MTX3: variants seen among roughly 807,000 people sequenced by gnomAD.
MTX3 encodes metaxin 3.
A neutral mutation model predicts 42.5 loss-of-function variants in MTX3; 27 were observed. That is an observed-to-expected ratio of 0.64 (90% CI 0.47 to 0.88). The LOEUF is 0.88. MTX3 is among the 40% of genes least tolerant of loss of function. The probability of loss-of-function intolerance (pLI) is 0.00; values close to 1 mark genes in which losing one functional copy is unlikely to be tolerated. For synonymous variants in MTX3, 144 were observed against 132.9 expected (o/e 1.08, Z -0.57); for missense variants, 378 against 367.0 (o/e 1.03, Z -0.25).
rs1406790171 is a variant in MTX3 at position 79,990,152 on chromosome 5, C to A, written c.228+8G>T. The A allele has an allele frequency of 6.3e-7, 1 of 1,589,690 alleles. No homozygotes were observed. The highest frequency in any genetic ancestry group is 8.6e-7 in the Non-Finnish European group (1 of 1,163,022). Reference sequence around the variant, plus strand: ...TACCAATCTACTTCTTCAAAGTGAACCACCCACCTGTTTTCTTAAAAAGTT... The same window carrying A: ...TACCAATCTACTTCTTCAAAGTGAAACACCCACCTGTTTTCTTAAAAAGTT... On this transcript the variant is annotated splice_region_variant and intron_variant, in intron 3 of 8. Coordinates refer to ENST00000512528, the MANE Select transcript of MTX3 (RefSeq NM_001363818.2).
rs374669736 is a variant in MTX3, at chr5:79,985,017, C to T, written c.828+554G>A. On this transcript the variant is annotated intron_variant, in intron 8 of 8. Transcript: ENST00000512528. Reference sequence around the variant, plus strand: ...TGTTTTTTCTGATGGAGTCTCGCTCCGTTGCCCAGGCTGGAGTGCAGTGGC... The same window carrying T: ...TGTTTTTTCTGATGGAGTCTCGCTCTGTTGCCCAGGCTGGAGTGCAGTGGC... Among the ~76,000 whole-genome samples the T allele has an allele frequency of 4.9e-3, 739 of 152,040 alleles. 5 individuals are homozygous for T. Among genetic ancestry groups the T allele is most frequent in the Non-Finnish European group, 8.4e-3 (572 of 67,960 alleles).
Position 79,991,176 on chromosome 5 carries a change from G to C in MTX3, c.63C>G (p.Ser21Arg), listed in dbSNP as rs916568189. 1 of 1,518,504 alleles carries C rather than the reference G, an allele frequency of 6.6e-7. No individual in the cohort carries two copies. Among genetic ancestry groups the C allele is most frequent in the Admixed American group, 2.1e-5 (1 of 47,498 alleles). 94.1% of individuals were successfully genotyped at this position (1,518,504 alleles called of 1,614,324 possible). Residue 21 changes from serine to arginine, a missense_variant, in exon 1 of 9, where the codon AGC becomes AGG. By Grantham distance (110) the Ser-to-Arg change is moderately radical. Transcript: ENST00000512528. ...GGGWGLPSVHSESLVVMAYAK... is the reference protein window; with the variant it reads ...GGGWGLPSVHRESLVVMAYAK... ...GCCTCACCATCACCACCAGGGACTC[G>C]CTGTGAACCGATGGGAGTCCCCAGC...
rs889336787 is a variant in MTX3 at position 79,982,183 on chromosome 5, T to C, written c.*1501A>G. ...GTAATGTGCAACTCATGAGGTACTTTCCCTCATCCAAACAGATGACCAAGA... is the reference window on the plus strand; with the variant it reads ...GTAATGTGCAACTCATGAGGTACTTCCCCTCATCCAAACAGATGACCAAGA... On this transcript the variant is annotated 3_prime_UTR_variant, in exon 9 of 9. Transcript: ENST00000512528. 6 of 280,774 alleles carry C rather than the reference T, an allele frequency of 2.1e-5. No individual in the cohort carries two copies. The highest frequency in any genetic ancestry group is 1.3e-4 in the African/African-American group (6 of 45,036). The allele number at this position is 280,774 out of a possible 1,614,324, so 17.4% of individuals were successfully genotyped here.
At chr5:79,987,656 G>A (rs893349229) in intron 6 of MTX3, among the ~76,000 whole-genome samples, 1 of 152,048 alleles carries the variant, frequency 6.6e-6, no homozygotes, top group African/African-American at 2.4e-5. Context: ...AAATGAAATT[G>A]TCTTTATAGA....
In MTX3 at chr5:79,987,038, A is replaced by G; in HGVS notation, c.651T>C (p.Val217=). ...APLYKVRFPK[V]QLQEHLKQLS... Reference sequence around the variant, plus strand: ...GCTGTTTCAGATGTTCTTGTAGCTGAACTTTAGGAAACCGTACTTTGTAAA... The same window carrying G: ...GCTGTTTCAGATGTTCTTGTAGCTGGACTTTAGGAAACCGTACTTTGTAAA... The change falls in exon 7 of 9, where the codon GTT becomes GTC. Residue 217 remains valine (V), a synonymous_variant. Transcript: ENST00000512528. The G allele has an allele frequency of 6.2e-7, 1 of 1,614,020 alleles. No homozygotes were observed. Among genetic ancestry groups the G allele is most frequent in the Non-Finnish European group, 8.5e-7 (1 of 1,179,892 alleles).
At position 79,980,744 on chromosome 5, in the gene MTX3, G is replaced by C. The variant is rs1831354573; in HGVS notation, c.*2940C>G. On this transcript the variant is annotated 3_prime_UTR_variant, in exon 9 of 9. Coordinates refer to ENST00000512528, the MANE Select transcript of MTX3 (RefSeq NM_001363818.2). The stretch of plus-strand genomic sequence containing the variant: ...TACTTCCAAAAGGCATTGGCTCACA[G>C]TATTCTGTTTAAGATTGTGGACCAT... 1 of 152,104 alleles carries C rather than the reference G, an allele frequency of 6.6e-6. No homozygotes were observed. Among genetic ancestry groups the C allele is most frequent in the Non-Finnish European group, 1.5e-5 (1 of 68,028 alleles). 9.4% of individuals were successfully genotyped at this position (152,104 alleles called of 1,614,324 possible). A position where few individuals can be genotyped will look rare whatever the true frequency, so the allele number is the denominator to read the frequency against.
In MTX3 at chr5:79,978,434, AC is replaced by A. The variant is rs1166763611; in HGVS notation, c.*5249del. The A allele has an allele frequency of 6.6e-6, 1 of 152,214 alleles. No individual in the cohort carries two copies. Among genetic ancestry groups the A allele is most frequent in the Non-Finnish European group, 1.5e-5 (1 of 68,102 alleles). 9.4% of individuals were successfully genotyped at this position (152,214 alleles called of 1,614,324 possible). ...GTGAAACCCCATCTCTACTAAAAAT[AC>A]AAAAATTAGCTGGGCGTGGTGGCAG... On this transcript the variant is annotated 3_prime_UTR_variant, in exon 9 of 9. Transcript: ENST00000512528.
chr5:79,987,097 A>C lies in MTX3; in HGVS notation c.592T>G (p.Leu198Val), dbSNP rs761849345. 8 of 1,613,658 alleles carry C rather than the reference A, an allele frequency of 5.0e-6. No individual in the cohort carries two copies. In the African/African-American group the frequency reaches 8.0e-5, roughly 16 times the overall value. Residue 198 changes from leucine (L) to valine (V), a missense_variant, in exon 7 of 9, where the codon TTG (leucine) becomes GTG (valine). Coordinates refer to ENST00000512528, the MANE Select transcript of MTX3 (RefSeq NM_001363818.2). ...AGAAAACCAAAAACATAGGCATCCA[A>C]GGTAGAAGGCCTAGAAATAAATTAA... ...QFFFGDTPST[L>V]DAYVFGFLAP...
intron 8 of MTX3, 51 bp from the exon 9 acceptor site, chr5:79,983,845 G>T: frequency 8.1e-7 from 1 of 1,232,892 alleles, no homozygotes; most frequent in Non-Finnish European, 1.2e-6. Flanking sequence ...CACCGCTTAT[G>T]TGGACTGTGG....
chr5:79,984,991 G>A (rs1379149540), intron 8 of MTX3, among the ~76,000 whole-genome samples: 1 of 151,344 alleles, frequency 6.6e-6, no homozygotes, highest in Admixed American at 6.6e-5. Context: ...GTTTTTTTTT[G>A]TGTTTTTTCT....
In MTX3 at chr5:79,976,757, T is replaced by C. The variant is rs1002923846; in HGVS notation, c.*6927A>G. On this transcript the variant is annotated 3_prime_UTR_variant, in exon 9 of 9. Coordinates refer to ENST00000512528, the MANE Select transcript of MTX3 (RefSeq NM_001363818.2). The stretch of plus-strand genomic sequence containing the variant: ...AGATTTGAGATTTTTATTGAGAAAA[T>C]AGCTATTTTGACATTATATCCAGTT... The C allele has an allele frequency of 4.6e-5, 7 of 152,576 alleles. No individual in the cohort carries two copies. Among genetic ancestry groups the C allele is most frequent in the Non-Finnish European group, 8.8e-5 (6 of 68,030 alleles). The allele number at this position is 152,576 out of a possible 1,614,324, so 9.5% of individuals were successfully genotyped here.
In MTX3 at chr5:79,989,068, C is replaced by T. The variant is rs986802041; in HGVS notation, c.321+84G>A. On this transcript the variant is annotated intron_variant, in intron 4 of 8. Transcript: ENST00000512528. ...ATATAAGTAAAATTTTCTCTTAAGA[C>T]TTTTCTCATTGGTTTTTTTCTAAAC... 8.4e-6 allele frequency: 8 copies of T among 947,498 alleles called. No homozygotes were observed. The African/African-American group carries it at 1.4e-4, about 16-fold the overall frequency. 58.7% of individuals were successfully genotyped at this position (947,498 alleles called of 1,614,324 possible).
Position 79,979,404 on chromosome 5 carries a change from C to CA in MTX3, c.*4279dup, listed in dbSNP as rs1580879628. 6.6e-6 allele frequency: 1 copy of CA among 152,042 alleles called. No individual in the cohort carries two copies. Among genetic ancestry groups the CA allele is most frequent in the African/African-American group, 2.4e-5 (1 of 41,388 alleles). 9.4% of individuals were successfully genotyped at this position (152,042 alleles called of 1,614,324 possible). On this transcript the variant is annotated 3_prime_UTR_variant, in exon 9 of 9. Coordinates refer to ENST00000512528, the MANE Select transcript of MTX3 (RefSeq NM_001363818.2). ...TAAATTCCACAAAGCTGAATGGCAGCAAAAAATATTTCTTAACATCAAGAA... is the reference window on the plus strand; with the variant it reads ...TAAATTCCACAAAGCTGAATGGCAGCAAAAAAATATTTCTTAACATCAAGAA...
At chr5:79,988,875 C>T (rs1831560044) in intron 4 of MTX3, among the ~76,000 whole-genome samples, 1 of 146,204 alleles carries the variant, frequency 6.8e-6, no homozygotes, top group Non-Finnish European at 1.6e-5. Flanking sequence ...GTTCAATAAA[C>T]ATTTGTTGAA....
intron 8 of MTX3, among the ~76,000 whole-genome samples, chr5:79,984,527 T>C (rs938797372): frequency 1.3e-5 from 2 of 151,734 alleles, no homozygotes; most frequent in Admixed American, 6.6e-5. Context: ...CAAGCTCAAA[T>C]AACACAGTGG....
At position 79,990,617 on chromosome 5, in the gene MTX3, T is replaced by C. The variant is rs1831621790; in HGVS notation, c.128A>G (p.Asp43Gly). The C allele has an allele frequency of 1.2e-6, 2 of 1,612,062 alleles. No individual in the cohort carries two copies. Among genetic ancestry groups the C allele is most frequent in the South Asian group, 1.1e-5 (1 of 90,812 alleles). Residue 43 changes from aspartate to glycine, a missense_variant, in exon 2 of 9, where the codon GAT (aspartate) becomes GGT (glycine). Transcript: ENST00000512528. ...ACCTCTTGAACCTCTCCAGGTGTTA[T>C]CTATCACATTGACTTTCAAGGGTGC... ...SGAPLKVNVI[D>G]NTWRGSRGDV... is the part of the protein sequence containing the mutation.
Position 79,983,724 on chromosome 5 carries a change from G to A in MTX3, c.899C>T (p.Ala300Val), listed in dbSNP as rs1274427038. The part of the protein sequence containing the change: ...RKLPTLKLTP[A>V]EEENNSFQRL... ...TTGGAAGGAATTATTTTCTTCTTCT[G>A]CTGGAGTCAATTTAAGTGTTGGCAG... Residue 300 changes from alanine (A) to valine (V), a missense_variant, in exon 9 of 9, where the codon GCA (alanine) becomes GTA (valine). Transcript: ENST00000512528. 6.2e-7 allele frequency: 1 copy of A among 1,613,910 alleles called. No individual in the cohort carries two copies. The highest frequency in any genetic ancestry group is 1.3e-5 in the African/African-American group (1 of 75,028).
intron 8 of MTX3, among the ~76,000 whole-genome samples, chr5:79,985,203 G>A (rs531324261): frequency 2.0e-4 from 30 of 152,158 alleles, no homozygotes; most frequent in African/African-American, 6.3e-4. Context: ...GGATGGTCTC[G>A]ATCTCATGAC....
chr5:79,990,081 AAAAT>A (rs1490215728), intron 3 of MTX3, 75 bp downstream of exon 3: 4 of 884,724 alleles, frequency 4.5e-6, no homozygotes, highest in South Asian at 4.4e-5. Flanking sequence ...TTGGCAAAAA[AAAAT>A]AAATAAATAA....
Sources: allele counts gnomAD v4.1 joint callset (sites outside exome capture counted in the v4.1 genomes callset), GRCh38; gene constraint gnomAD v4.1.1; transcripts MANE v1.5; gene names NCBI Gene and HGNC (gene_info 2026-07-23, HGNC 2026-07-21).